The following PIGX variants were observed in gnomAD, a reference collection of about 807,000 sequenced individuals.
PIGX encodes the protein GPI alpha-1,4-mannosyltransferase I, stabilizing subunit.
A neutral mutation model predicts 28.7 loss-of-function variants in PIGX; 24 were observed. The observed-to-expected ratio is 0.84, with a 90% confidence interval of 0.60 to 1.17. The LOEUF (loss-of-function observed/expected upper bound fraction) is 1.17. PIGX is among the 50% of genes most tolerant of loss of function. The pLI is 0.00. For missense variants in PIGX, 305 were observed against 317.8 expected (o/e 0.96, Z 0.31); for synonymous variants, 127 against 121.0 (o/e 1.05, Z -0.33).
Position 196,714,320 on chromosome 3 carries a change from C to T in PIGX, c.112+1676C>T, listed in dbSNP as rs137894940. ...CTCTGCAAAAAAATTTAAAAGTAGCCAGGTGTGGTGGCGTGGGCCTATAAT... is the reference window on the plus strand; with the variant it reads ...CTCTGCAAAAAAATTTAAAAGTAGCTAGGTGTGGTGGCGTGGGCCTATAAT... On this transcript the variant is annotated intron_variant, in intron 1 of 5. Coordinates refer to ENST00000392391, the MANE Select transcript of PIGX (RefSeq NM_017861.4). Among the ~76,000 whole-genome samples, 765 of 152,286 alleles carry T rather than the reference C, an allele frequency of 5.0e-3. 11 individuals are homozygous for T. The highest frequency in any genetic ancestry group is 0.017 in the African/African-American group (717 of 41,570).
At chr3:196,730,852 C>A in intron 4 of PIGX, 140 bp from the exon 5 acceptor site, 7 of 271,960 alleles carry the variant, frequency 2.6e-5, no homozygotes, top group Non-Finnish European at 5.1e-5. Context: ...GCTAAAATAA[C>A]AGAATGTGAT....
intron 4 of PIGX, among the ~76,000 whole-genome samples, chr3:196,730,729 C>A (rs1273253313): frequency 8.7e-6 from 1 of 115,046 alleles, no homozygotes; most frequent in Non-Finnish European, 1.6e-5. Flanking sequence ...GCCTGGGTGA[C>A]AGAGTGAGAC....
intron 5 of PIGX, among the ~76,000 whole-genome samples, chr3:196,731,553 G>A (rs1286314672): frequency 2.6e-5 from 4 of 152,168 alleles, no homozygotes; most frequent in African/African-American, 9.6e-5. Context: ...GCTGTTTTTT[G>A]TTGGGGAACT....
At chr3:196,724,044 C>T (rs183509064) in intron 3 of PIGX, among the ~76,000 whole-genome samples, 1,438 of 139,756 alleles carry the variant, frequency 0.01, 11 homozygotes, top group Middle Eastern at 0.045. Flanking sequence ...TTTTTTGAGA[C>T]AGAGTCTCTG....
chr3:196,726,785 G>A (rs1013975091), intron 3 of PIGX: 5 of 406,544 alleles, frequency 1.2e-5, no homozygotes, highest in Admixed American at 6.0e-5. Flanking sequence ...AGTACATACA[G>A]TTTCTACTCA....
chr3:196,727,353 A>T (rs1712564325), intron 3 of PIGX, among the ~76,000 whole-genome samples: 1 of 152,182 alleles, frequency 6.6e-6, no homozygotes, highest in African/African-American at 2.4e-5. Flanking sequence ...TTTTCTATAA[A>T]ATAGTTTTTA....
rs1454783084 is a variant in PIGX, at chr3:196,734,955, T to C, written c.*1053T>C. ...AAAGGTTCTTCATTTACTGTTATGA[T>C]TGGAAAAAAATTAGAAAATAAAGTA... On this transcript the variant is annotated 3_prime_UTR_variant, in exon 6 of 6. Coordinates refer to ENST00000392391, the MANE Select transcript of PIGX (RefSeq NM_017861.4). 1 of 151,878 alleles carries C rather than the reference T, an allele frequency of 6.6e-6. No homozygotes were observed. Among genetic ancestry groups the C allele is most frequent in the East Asian group, 1.9e-4 (1 of 5,180 alleles). 9.4% of individuals were successfully genotyped at this position (151,878 alleles called of 1,614,324 possible). A position where few individuals can be genotyped will look rare whatever the true frequency, so the allele number is the denominator to read the frequency against.
chr3:196,730,151 C>A (rs1712690894), intron 4 of PIGX, among the ~76,000 whole-genome samples: 1 of 151,734 alleles, frequency 6.6e-6, no homozygotes, highest in Non-Finnish European at 1.5e-5. Flanking sequence ...TACCGTCATA[C>A]CTTTCATGAC....
At chr3:196,714,854 G>C (rs1252187646) in intron 1 of PIGX, among the ~76,000 whole-genome samples, 2 of 152,144 alleles carry the variant, frequency 1.3e-5, no homozygotes, top group Non-Finnish European at 2.9e-5. Context: ...AGGGTGGGCA[G>C]ATCACCAGGT....
chr3:196,733,906 T>C lies in PIGX; in HGVS notation c.*4T>C. 1.9e-6 allele frequency: 3 copies of C among 1,562,032 alleles called. No homozygotes were observed. The highest frequency in any genetic ancestry group is 2.6e-6 in the Non-Finnish European group (3 of 1,133,314). ...ATATGGCCATTTTTCCCTATAAGTTTTATGTAGTTAAATGCTTCCTAGAAA... is the reference window on the plus strand; with the variant it reads ...ATATGGCCATTTTTCCCTATAAGTTCTATGTAGTTAAATGCTTCCTAGAAA... On this transcript the variant is annotated 3_prime_UTR_variant, in exon 6 of 6. Transcript: ENST00000392391. This position sits in a 1 kb window ranked among gnomAD's most constrained non-coding sequence, Gnocchi z 4.3.
At position 196,734,303 on chromosome 3, in the gene PIGX, G is replaced by A. The variant is rs1040302252; in HGVS notation, c.*401G>A. ...AAGAATAAAATAGGCCAGGCACAGTGGCTCACACCTGTAATCCCAGCACTT... is the reference window on the plus strand; with the variant it reads ...AAGAATAAAATAGGCCAGGCACAGTAGCTCACACCTGTAATCCCAGCACTT... On this transcript the variant is annotated 3_prime_UTR_variant, in exon 6 of 6. Coordinates refer to ENST00000392391, the MANE Select transcript of PIGX (RefSeq NM_017861.4). The A allele has an allele frequency of 6.2e-6, 1 of 161,986 alleles. No individual in the cohort carries two copies. Among genetic ancestry groups the A allele is most frequent in the Non-Finnish European group, 1.3e-5 (1 of 74,490 alleles). The allele number at this position is 161,986 out of a possible 1,614,324, so 10.0% of individuals were successfully genotyped here.
rs1395851734 is a variant in PIGX, at chr3:196,732,283, A to AT, written c.633+1195dup. 2.6e-3 allele frequency among the ~76,000 whole-genome samples: 64 copies of AT among 24,372 alleles called. 4 individuals carry two copies. The highest frequency in any genetic ancestry group is 5.2e-3 in the African/African-American group (27 of 5,204). The allele number at this position is 24,372 out of a possible 152,430, so 16.0% of individuals were successfully genotyped here. A position where few individuals can be genotyped will look rare whatever the true frequency, so the allele number is the denominator to read the frequency against. Reference sequence around the variant, plus strand: ...TTTATTTTATTTTATTTTTTTTTTTATTTTATTTTTTTTTTTGAGACGGAG... The same window carrying AT: ...TTTATTTTATTTTATTTTTTTTTTTATTTTTATTTTTTTTTTTGAGACGGAG... On this transcript the variant is annotated intron_variant, in intron 5 of 5. Transcript: ENST00000392391.
At chr3:196,723,853 G>A (rs1011412845) in intron 3 of PIGX, among the ~76,000 whole-genome samples, 2 of 151,812 alleles carry the variant, frequency 1.3e-5, no homozygotes, top group African/African-American at 2.4e-5. Flanking sequence ...TTTTGAATAA[G>A]TAATTACATT....
intron 3 of PIGX, among the ~76,000 whole-genome samples, chr3:196,724,020 ATG>A (rs1280402407): frequency 1.4e-5 from 2 of 146,830 alleles, no homozygotes; most frequent in African/African-American, 5.0e-5. Flanking sequence ...TTTTAATTTA[ATG>A]TTTTTTTTTT....
At chr3:196,712,883 C>T in intron 1 of PIGX, 1 of 1,069,614 alleles carries the variant, frequency 9.3e-7, no homozygotes, top group Non-Finnish European at 1.1e-6. Context: ...CTGGACTGGC[C>T]GCCCTGTTAC....
At chr3:196,724,077 G>A (rs1158716399) in intron 3 of PIGX, among the ~76,000 whole-genome samples, 1 of 150,522 alleles carries the variant, frequency 6.6e-6, no homozygotes, top group Non-Finnish European at 1.5e-5. Flanking sequence ...GAGTGCGGTG[G>A]CACAATCTTG....
intron 2 of PIGX, among the ~76,000 whole-genome samples, chr3:196,720,792 A>G (rs918322065): frequency 3.3e-5 from 5 of 151,898 alleles, no homozygotes; most frequent in African/African-American, 1.2e-4. Context: ...AGTATCATTT[A>G]CTTTCTGTCA....
chr3:196,729,233 G>A (rs572056153), intron 4 of PIGX, among the ~76,000 whole-genome samples: 17 of 151,818 alleles, frequency 1.1e-4, no homozygotes, highest in African/African-American at 4.8e-5. Flanking sequence ...CTTGGGAGGC[G>A]GAGGCAGGAG....
In PIGX at chr3:196,712,482, C is replaced by T. The variant is rs1360611544; in HGVS notation, c.-51C>T. On this transcript the variant is annotated 5_prime_UTR_variant, in exon 1 of 6. Transcript: ENST00000392391. ...CTGCGGGCGGCCAGGCCCCTTCCTG[C>T]GTCCGCACCTGGCCCCGCGCGCCCC... is the stretch of plus-strand genomic sequence containing the variant. 1.3e-5 allele frequency: 12 copies of T among 909,350 alleles called. No individual in the cohort carries two copies. The African/African-American group carries it at 1.8e-4, about 13-fold the overall frequency. The allele number at this position is 909,350 out of a possible 1,614,324, so 56.3% of individuals were successfully genotyped here.
Sources: gnomAD v4.1 joint callset for allele counts (sites outside exome capture counted in the v4.1 genomes callset) on GRCh38, gnomAD v4.1.1 for gene constraint, Gnocchi (gnomAD v3.1) non-coding constraint, MANE v1.5 for transcripts, NCBI Gene and HGNC (gene_info 2026-07-23, HGNC 2026-07-21) for gene names.